CDK17: variants seen among roughly 807,000 people sequenced by gnomAD.
CDK17 encodes cyclin-dependent kinase 17.
Under a neutral mutation model 77.6 loss-of-function variants are expected in CDK17, and 24 were observed. The observed-to-expected ratio is 0.31, with a 90% CI of 0.22 to 0.44. The LOEUF (loss-of-function observed/expected upper bound fraction) is 0.44, where lower values mean the gene tolerates loss of function less well. Ranked by LOEUF, CDK17 falls within the 20% of genes least tolerant of loss-of-function variation. The pLI is 1.00. For missense variants in CDK17, 429 were observed against 622.5 expected (o/e 0.69, Z 3.31); for synonymous variants, 203 against 210.4 (o/e 0.96, Z 0.30).
intron 14 of CDK17, among the ~76,000 whole-genome samples, chr12:96,283,165 G>A (rs61938858): frequency 0.31 from 47,631 of 152,076 alleles, 7,784 homozygotes; most frequent in East Asian, 0.58. Flanking sequence ...AAACCTTGTA[G>A]GGGTTTCTGT....
chr12:96,397,251 A>T (rs1431538261), intron 1 of CDK17, among the ~76,000 whole-genome samples: 1 of 152,140 alleles, frequency 6.6e-6, no homozygotes, highest in Non-Finnish European at 1.5e-5. Context: ...TAGTCAACAT[A>T]GCTATCCCTG....
At chr12:96,292,803 C>T (rs1274262223) in intron 10 of CDK17, among the ~76,000 whole-genome samples, 12 of 151,798 alleles carry the variant, frequency 7.9e-5, no homozygotes, top group Admixed American at 3.3e-4. Flanking sequence ...GCAAAAAGAG[C>T]ATTTAATTTT....
At chr12:96,293,720 T>G (rs1952359935) in intron 10 of CDK17, among the ~76,000 whole-genome samples, 1 of 152,234 alleles carries the variant, frequency 6.6e-6, no homozygotes, top group Non-Finnish European at 1.5e-5. Context: ...TATCATGCAT[T>G]AGCCATTTGG....
At chr12:96,358,468 A>G (rs1320173640) in intron 1 of CDK17, among the ~76,000 whole-genome samples, 1 of 151,806 alleles carries the variant, frequency 6.6e-6, no homozygotes, top group African/African-American at 2.4e-5. Context: ...AGTAAAATGT[A>G]TACATATATT....
intron 5 of CDK17, among the ~76,000 whole-genome samples, chr12:96,302,559 A>T (rs1725248857): frequency 6.6e-6 from 1 of 152,162 alleles, no homozygotes. Flanking sequence ...GTATGAACAA[A>T]AGAATGAATG....
At chr12:96,314,784 C>T (rs548217397) in intron 3 of CDK17, among the ~76,000 whole-genome samples, 1 of 152,314 alleles carries the variant, frequency 6.6e-6, no homozygotes, top group Non-Finnish European at 1.5e-5. Context: ...TGCTGCAGTG[C>T]TTTAACACAC....
Position 96,288,684 on chromosome 12 carries a change from G to C in CDK17, c.1118+483C>G, listed in dbSNP as rs114027498. Among the ~76,000 whole-genome samples the C allele has an allele frequency of 5.4e-3, 817 of 152,316 alleles. 7 individuals are homozygous for C. The highest frequency in any genetic ancestry group is 0.019 in the African/African-American group (787 of 41,558). On this transcript the variant is annotated intron_variant, in intron 11 of 16. Transcript: ENST00000261211. ...GCAATAACGGTGTCTGAGTAGAAGA[G>C]TGTCAGGATCGAAGCGGTGTGTGAG...
intron 1 of CDK17, among the ~76,000 whole-genome samples, chr12:96,391,440 C>A (rs745765914): frequency 5.8e-4 from 85 of 146,694 alleles, no homozygotes; most frequent in Non-Finnish European, 1.0e-3. Context: ...CAGGCCTGAG[C>A]CACCACGCCC....
At chr12:96,294,379 G>T (rs975597975) in intron 10 of CDK17, among the ~76,000 whole-genome samples, 1 of 151,708 alleles carries the variant, frequency 6.6e-6, no homozygotes, top group Admixed American at 6.6e-5. Context: ...ACCACCTGAG[G>T]TCAGGAGTTC....
chr12:96,389,210 A>G (rs1228458808), intron 1 of CDK17, among the ~76,000 whole-genome samples: 1 of 151,254 alleles, frequency 6.6e-6, no homozygotes, highest in Non-Finnish European at 1.5e-5. Flanking sequence ...CCTAGGCTCC[A>G]GTGATCCTCC....
rs545476572 is a variant in CDK17 at position 96,301,892 on chromosome 12, T to G, written c.544-1532A>C. On this transcript the variant is annotated intron_variant, in intron 5 of 16. Transcript: ENST00000261211. ...AGCAGAGGCCCCTCAAAATAACTGT[T>G]TTTATCTTTTTGTTACAATGATATG... is the stretch of plus-strand genomic sequence containing the variant. Among the ~76,000 whole-genome samples the G allele has an allele frequency of 2.6e-5, 4 of 152,246 alleles. No homozygotes were observed. In the East Asian group the frequency reaches 7.7e-4, roughly 29 times the overall value.
intron 2 of CDK17, 127 bp from the exon 3 acceptor site, chr12:96,324,239 T>C: frequency 1.9e-6 from 1 of 520,644 alleles, no homozygotes; most frequent in Non-Finnish European, 3.3e-6. Flanking sequence ...ATTGCTTTGC[T>C]TAACTATACA....
intron 1 of CDK17, among the ~76,000 whole-genome samples, chr12:96,392,157 A>G (rs376892954): frequency 2.6e-5 from 4 of 152,246 alleles, no homozygotes; most frequent in African/African-American, 9.6e-5. Context: ...ATACATAAAT[A>G]CTATATAGCA....
At chr12:96,302,511 G>A (rs1404992397) in intron 5 of CDK17, among the ~76,000 whole-genome samples, 4 of 151,912 alleles carry the variant, frequency 2.6e-5, no homozygotes, top group Non-Finnish European at 4.4e-5. Context: ...CATCTTTTAT[G>A]GGGGAAAAAA....
intron 1 of CDK17, among the ~76,000 whole-genome samples, chr12:96,339,026 G>A (rs981075595): frequency 1.3e-5 from 2 of 151,608 alleles, no homozygotes; most frequent in Non-Finnish European, 2.9e-5. Context: ...TGCATTATCC[G>A]ACTATACAGA....
At chr12:96,324,147 T>C (rs936527049) in intron 2 of CDK17, 35 bp from the exon 3 acceptor site, 18 of 1,555,598 alleles carry the variant, frequency 1.2e-5, no homozygotes, top group Non-Finnish European at 1.6e-5. Context: ...CATTCCATCA[T>C]CAGTCCAAGA....
chr12:96,297,670 A>G lies in CDK17; in HGVS notation c.767T>C (p.Ile256Thr). The change falls in exon 8 of 17, where the codon ATT becomes ACT. Residue 256 changes from isoleucine (I) to threonine (T), a missense_variant. Physicochemically the swap from Ile to Thr is moderately conservative, Grantham distance 89. Transcript: ENST00000261211. ...KHANIVTLHD[I>T]VHTDKSLTLV... ...AGTCAAGGATTTATCTGTGTGAACA[A>G]TGTCATGTAAGGTTACTATATTTGC... is the stretch of plus-strand genomic sequence containing the variant. The G allele has an allele frequency of 1.2e-6, 2 of 1,606,490 alleles. No homozygotes were observed. The highest frequency in any genetic ancestry group is 1.7e-6 in the Non-Finnish European group (2 of 1,174,160).
intron 3 of CDK17, among the ~76,000 whole-genome samples, chr12:96,321,850 C>T (rs1201619419): frequency 1.5e-5 from 2 of 133,332 alleles, no homozygotes; most frequent in Non-Finnish European, 3.2e-5. Context: ...GGGAGATATA[C>T]CTAAGGCTAG....
intron 1 of CDK17, among the ~76,000 whole-genome samples, chr12:96,366,547 A>C (rs559035121): frequency 6.6e-6 from 1 of 152,356 alleles, no homozygotes; most frequent in East Asian, 1.9e-4. Context: ...CTTAAACAGC[A>C]CTGTCCCAAA....
Sources: gnomAD v4.1 joint callset for allele counts (sites outside exome capture counted in the v4.1 genomes callset) on GRCh38, gnomAD v4.1.1 for gene constraint, MANE v1.5 for transcripts, NCBI Gene and HGNC (gene_info 2026-07-23, HGNC 2026-07-21) for gene names.